DMTN: variants seen among roughly 807,000 people sequenced by gnomAD.
DMTN encodes the protein dematin actin binding protein.
In DMTN, 27 loss-of-function variants were observed where a neutral mutation model predicts 59.4. The observed-to-expected ratio is 0.45, with a 90% CI of 0.33 to 0.63. The LOEUF (loss-of-function observed/expected upper bound fraction) is 0.63. Ranked by LOEUF, DMTN falls within the 20% of genes least tolerant of loss-of-function variation. The pLI is 0.02. For synonymous variants in DMTN, 221 were observed against 203.7 expected (o/e 1.08, Z -0.72); for missense variants, 451 against 528.9 (o/e 0.85, Z 1.45).
intron 9 of DMTN, among the ~76,000 whole-genome samples, chr8:22,072,718 G>T (rs10108645): frequency 0.037 from 5,468 of 149,058 alleles, 332 homozygotes; most frequent in African/African-American, 0.13. Context: ...CAAGCGATCC[G>T]CCCACCTCGG....
chr8:22,067,750 T>G, intron 4 of DMTN, 68 bp downstream of exon 4: 1 of 1,565,104 alleles, frequency 6.4e-7, no homozygotes, highest in South Asian at 1.2e-5. Context: ...TGGGGACCGA[T>G]CCCTCCCGTG....
At chr8:22,048,988 C>T (rs983468618), upstream of DMTN, 2 of 148,252 alleles carry the variant, frequency 1.3e-5, no homozygotes, top group Non-Finnish European at 3.0e-5. The surrounding 1 kb of genome is among the most constrained non-coding windows in gnomAD (Gnocchi z 6.9). Context: ...GGCGGCCCCT[C>T]CCTGGCGCGG....
At chr8:22,052,456 C>T (rs779605612), upstream of DMTN, among the ~76,000 whole-genome samples, 8 of 152,124 alleles carry the variant, frequency 5.3e-5, no homozygotes, top group East Asian at 1.9e-4. Context: ...TTTAGGCAGA[C>T]GTGGGTGGGG....
rs1156576081 is a variant in DMTN, at chr8:22,080,886, C to T, written c.1023+16C>T. On this transcript the variant is annotated intron_variant, in intron 14 of 15. Transcript: ENST00000358242. ...GGAGCAGAAGGTGAGGGGCAGGGGA[C>T]ACAAGCGCCTGTAGCGGGGCGGGAG... 2.6e-6 allele frequency: 4 copies of T among 1,553,942 alleles called. No homozygotes were observed. Among genetic ancestry groups the T allele is most frequent in the Middle Eastern group, 1.7e-4 (1 of 5,756 alleles).
At chr8:22,065,214 G>C (rs1014590897) in intron 1 of DMTN, among the ~76,000 whole-genome samples, 2 of 152,058 alleles carry the variant, frequency 1.3e-5, no homozygotes, top group Non-Finnish European at 2.9e-5. Context: ...TTACATTTTT[G>C]CTAGAGACGA....
At position 22,057,072 on chromosome 8, in the gene DMTN, ATCTGGCCTACGCCTCTCGGGCCTC is replaced by A. The variant is rs1803037701; in HGVS notation, c.-234_-211del. 6.6e-6 allele frequency: 1 copy of A among 151,960 alleles called. No homozygotes were observed. The highest frequency in any genetic ancestry group is 6.6e-5 in the Admixed American group (1 of 15,228). 9.4% of individuals were successfully genotyped at this position (151,960 alleles called of 1,614,324 possible). Reference sequence around the variant, plus strand: ...TCCTGGGGGAAGTGACAGCCCGTGGATCTGGCCTACGCCTCTCGGGCCTCTGTGGCCTCAGAGCGTCTGGGCCAC... The same window carrying A: ...TCCTGGGGGAAGTGACAGCCCGTGGATGTGGCCTCAGAGCGTCTGGGCCAC... On this transcript the variant is annotated 5_prime_UTR_variant, in exon 1 of 16. It adds an upstream start codon to the 5' untranslated region. Coordinates refer to ENST00000358242, the MANE Select transcript of DMTN (RefSeq NM_001387751.1).
chr8:22,054,078 C>T (rs935284879), upstream of DMTN, among the ~76,000 whole-genome samples: 1 of 146,260 alleles, frequency 6.8e-6, no homozygotes, highest in Admixed American at 6.7e-5. Context: ...GTCCCCTTGC[C>T]TCCCCTCTGA....
chr8:22,080,112 G>C, intron 10 of DMTN, 68 bp from the exon 11 acceptor site: 2 of 1,581,228 alleles, frequency 1.3e-6, no homozygotes, highest in Non-Finnish European at 1.7e-6. Context: ...AGGCCAGTGA[G>C]GTTGCTGTCT....
chr8:22,050,247 C>G (rs1476880413), upstream of DMTN, among the ~76,000 whole-genome samples: 1 of 151,960 alleles, frequency 6.6e-6, no homozygotes, highest in African/African-American at 2.4e-5. Flanking sequence ...CCAGCAATTA[C>G]TTGAGGACAA....
chr8:22,067,455 G>C, intron 3 of DMTN, 72 bp from the exon 4 acceptor site: 1 of 1,580,942 alleles, frequency 6.3e-7, no homozygotes, highest in Non-Finnish European at 8.6e-7. Context: ...ATTGACGTAA[G>C]TCTAGCTAGC....
chr8:22,065,265 C>T (rs1163085829), intron 1 of DMTN, among the ~76,000 whole-genome samples: 1 of 152,190 alleles, frequency 6.6e-6, no homozygotes, highest in African/African-American at 2.4e-5. Context: ...AACTCCTGAC[C>T]TCAAGCCATC....
chr8:22,071,670 C>T (rs1260062961), intron 8 of DMTN, among the ~76,000 whole-genome samples: 1 of 152,082 alleles, frequency 6.6e-6, no homozygotes, highest in East Asian at 1.9e-4. Flanking sequence ...AGCTCCGCCT[C>T]CCGGGCTCAC....
In DMTN at chr8:22,080,562, G is replaced by A. The variant is rs140558215; in HGVS notation, c.950-56G>A. 1.4e-4 allele frequency: 227 copies of A among 1,613,352 alleles called. No homozygotes were observed. In the African/African-American group the frequency reaches 2.3e-3, roughly 17 times the overall value. Reference sequence around the variant, plus strand: ...GGGCAGGGGTCTGGTGAGGTCAGGCGTGTTGGCCTGCTGACCTCAGAGCTG... The same window carrying A: ...GGGCAGGGGTCTGGTGAGGTCAGGCATGTTGGCCTGCTGACCTCAGAGCTG... On this transcript the variant is annotated intron_variant, in intron 12 of 15. Coordinates refer to ENST00000358242, the MANE Select transcript of DMTN (RefSeq NM_001387751.1).
rs149021768 is a variant in DMTN at position 22,075,183 on chromosome 8, TCTC to T, written c.835+1349_835+1351del. On this transcript the variant is annotated intron_variant, in intron 10 of 15. Coordinates refer to ENST00000358242, the MANE Select transcript of DMTN (RefSeq NM_001387751.1). ...GCCTAGGGAACAGCGTGAGACTCTG[TCTC>T]AAAAAAAAAAAAAAGAAAAAAGCCT... Among the ~76,000 whole-genome samples the T allele has an allele frequency of 3.4e-3, 196 of 57,198 alleles. 1 individual carries two copies. Among genetic ancestry groups the T allele is most frequent in the African/African-American group, 8.7e-3 (167 of 19,142 alleles). The allele number at this position is 57,198 out of a possible 152,430, so 37.5% of individuals were successfully genotyped here.
chr8:22,059,448 C>T (rs989244143), intron 1 of DMTN: 1 of 152,284 alleles, frequency 6.6e-6, no homozygotes, highest in Non-Finnish European at 1.5e-5. Flanking sequence ...AGCTGCTCTT[C>T]TACAGATGCC....
chr8:22,068,666 GGAAA>G (rs1470511775), intron 4 of DMTN, among the ~76,000 whole-genome samples: 1 of 150,920 alleles, frequency 6.6e-6, no homozygotes, highest in Non-Finnish European at 1.5e-5. Context: ...AGGAAGGCAG[GGAAA>G]GAAAGAAAAA....
intron 1 of DMTN, chr8:22,059,374 C>T (rs1029274569): frequency 3.3e-5 from 5 of 152,248 alleles, no homozygotes; most frequent in African/African-American, 7.2e-5. Flanking sequence ...CTGCACCAGC[C>T]GGCCTCCAGC....
At position 22,072,679 on chromosome 8, in the gene DMTN, T is replaced by A. The variant is rs150651784; in HGVS notation, c.729+229T>A. On this transcript the variant is annotated intron_variant, in intron 9 of 15. Coordinates refer to ENST00000358242, the MANE Select transcript of DMTN (RefSeq NM_001387751.1). ...TAATAGAGATAAGGTTTTGCCGTGT[T>A]GGCCAGGCTGGTCTCGAACTCCTGA... Among the ~76,000 whole-genome samples the A allele has an allele frequency of 8.9e-3, 1,300 of 146,404 alleles. 15 individuals carry two copies. The highest frequency in any genetic ancestry group is 0.031 in the African/African-American group (1,241 of 39,860).
chr8:22,073,015 G>A (rs1365048421), intron 9 of DMTN, among the ~76,000 whole-genome samples: 2 of 152,222 alleles, frequency 1.3e-5, no homozygotes, highest in Non-Finnish European at 2.9e-5. Flanking sequence ...CAGCCTGAGT[G>A]ATCCATGGGA....
Sources: gnomAD v4.1 joint callset for allele counts (sites outside exome capture counted in the v4.1 genomes callset) on GRCh38, gnomAD v4.1.1 for gene constraint, Gnocchi (gnomAD v3.1) non-coding constraint, MANE v1.5 for transcripts, NCBI Gene and HGNC (gene_info 2026-07-23, HGNC 2026-07-21) for gene names.